IGSF21: variants seen among roughly 807,000 people sequenced by gnomAD.
IGSF21 encodes immunoglobulin superfamily member 21.
A neutral mutation model predicts 46.8 loss-of-function variants in IGSF21; 28 were observed. That is an observed-to-expected ratio of 0.60 (90% CI 0.44 to 0.82). The LOEUF (loss-of-function observed/expected upper bound fraction) is 0.82. Ranked by LOEUF, IGSF21 falls within the 40% of genes least tolerant of loss-of-function variation. IGSF21 has a pLI of 0.00. For synonymous variants in IGSF21, 284 were observed against 273.6 expected (o/e 1.04, Z -0.38); for missense variants, 624 against 665.5 (o/e 0.94, Z 0.69).
intron 1 of IGSF21, among the ~76,000 whole-genome samples, chr1:18,224,153 G>A (rs954428993): frequency 5.3e-5 from 8 of 152,172 alleles, no homozygotes; most frequent in Non-Finnish European, 7.3e-5. Flanking sequence ...TTGCACTGCA[G>A]GCCCCTTGCT....
intron 1 of IGSF21, among the ~76,000 whole-genome samples, chr1:18,203,857 CTG>C (rs1182272978): frequency 6.6e-6 from 1 of 152,156 alleles, no homozygotes; most frequent in Non-Finnish European, 1.5e-5. Context: ...AAAATCGAAA[CTG>C]TTATGTGGGT....
At chr1:18,324,087 T>C (rs774370448) in intron 3 of IGSF21, among the ~76,000 whole-genome samples, 2 of 151,978 alleles carry the variant, frequency 1.3e-5, no homozygotes, top group Non-Finnish European at 2.9e-5. Context: ...CTGTGCTGAG[T>C]GTTCTCAGGG....
At chr1:18,167,224 G>A (rs910782349) in intron 1 of IGSF21, among the ~76,000 whole-genome samples, 2 of 152,192 alleles carry the variant, frequency 1.3e-5, no homozygotes, top group African/African-American at 4.8e-5. Flanking sequence ...CAAGAGTGCT[G>A]GATGATCAGA....
chr1:18,184,707 T>C (rs2086887498), intron 1 of IGSF21, among the ~76,000 whole-genome samples: 1 of 152,120 alleles, frequency 6.6e-6, no homozygotes, highest in African/African-American at 2.4e-5. Context: ...TTTCCTGAAG[T>C]AGGAATGGGT....
chr1:18,336,900 G>A (rs1168706102), intron 4 of IGSF21, among the ~76,000 whole-genome samples: 3 of 152,216 alleles, frequency 2.0e-5, no homozygotes, highest in African/African-American at 7.2e-5. Flanking sequence ...GAAGACAAGA[G>A]AACTTGTGCA....
At chr1:18,284,569 G>A (rs2085194319) in intron 2 of IGSF21, among the ~76,000 whole-genome samples, 1 of 152,214 alleles carries the variant, frequency 6.6e-6, no homozygotes, top group African/African-American at 2.4e-5. Flanking sequence ...CAACTCTGGG[G>A]TGTGAGTTTG....
intron 3 of IGSF21, among the ~76,000 whole-genome samples, chr1:18,324,670 A>G (rs1281200753): frequency 2.0e-5 from 3 of 152,172 alleles, no homozygotes; most frequent in African/African-American, 7.2e-5. Context: ...GAGCTTCTCC[A>G]TGTACATTCT....
chr1:18,284,228 C>A (rs2085190776), intron 2 of IGSF21, among the ~76,000 whole-genome samples: 3 of 152,308 alleles, frequency 2.0e-5, no homozygotes, highest in Admixed American at 6.5e-5. Flanking sequence ...TTGCAGGGCG[C>A]TTTCTAGGCA....
chr1:18,167,632 G>A (rs566301478), intron 1 of IGSF21: 1 of 152,198 alleles, frequency 6.6e-6, no homozygotes, highest in African/African-American at 2.4e-5. Context: ...GGTTTATGGT[G>A]AGCCCACTCT....
intron 3 of IGSF21, among the ~76,000 whole-genome samples, chr1:18,312,321 T>C (rs2085497393): frequency 6.6e-6 from 1 of 152,170 alleles, no homozygotes; most frequent in Non-Finnish European, 1.5e-5. Flanking sequence ...CTGAGATAGG[T>C]CGTGCTTAGC....
rs533113911 is a variant in IGSF21, at chr1:18,166,474, C to T, written c.70+58276C>T. The stretch of plus-strand genomic sequence containing the variant: ...CTTGGGCAAGTCACTCTATCTGAGA[C>T]GCTGAGTCTCTTTTCTATAAACGAC... On this transcript the variant is annotated intron_variant, in intron 1 of 9. Coordinates refer to ENST00000251296, the MANE Select transcript of IGSF21 (RefSeq NM_032880.5). 9.9e-5 allele frequency among the ~76,000 whole-genome samples: 15 copies of T among 152,272 alleles called. No homozygotes were observed. In the South Asian group the frequency reaches 1.5e-3, roughly 15 times the overall value.
chr1:18,231,000 A>G (rs2084620315), intron 2 of IGSF21, among the ~76,000 whole-genome samples: 2 of 151,626 alleles, frequency 1.3e-5, no homozygotes, highest in South Asian at 4.2e-4. Context: ...TTCCCGTCCC[A>G]GCTTCCTTTC....
At chr1:18,268,318 G>A (rs770997015) in intron 2 of IGSF21, among the ~76,000 whole-genome samples, 8 of 152,218 alleles carry the variant, frequency 5.3e-5, no homozygotes, top group Non-Finnish European at 8.8e-5. Context: ...CACAGGGCAG[G>A]GCTCTTTCTG....
intron 3 of IGSF21, among the ~76,000 whole-genome samples, chr1:18,317,605 C>T (rs1388188516): frequency 1.3e-5 from 2 of 152,218 alleles, no homozygotes; most frequent in African/African-American, 4.8e-5. Flanking sequence ...CTGGTGCACC[C>T]AATGGCTCCA....
intron 1 of IGSF21, among the ~76,000 whole-genome samples, chr1:18,125,752 G>A (rs192530696): frequency 2.6e-5 from 4 of 152,294 alleles, no homozygotes; most frequent in Admixed American, 6.5e-5. Context: ...TAACACATAC[G>A]TGAACAGATA....
intron 2 of IGSF21, among the ~76,000 whole-genome samples, chr1:18,268,653 TG>T (rs1381357823): frequency 6.6e-6 from 1 of 151,886 alleles, no homozygotes; most frequent in Non-Finnish European, 1.5e-5. Context: ...GCCTTGGGAG[TG>T]GGGGAAGTTA....
chr1:18,186,826 C>T (rs1187473337), intron 1 of IGSF21, among the ~76,000 whole-genome samples: 1 of 152,170 alleles, frequency 6.6e-6, no homozygotes, highest in African/African-American at 2.4e-5. Context: ...CCTGCCCTCA[C>T]CTAACTTCCC....
chr1:18,263,680 C>T (rs921561204), intron 2 of IGSF21, among the ~76,000 whole-genome samples: 1 of 152,120 alleles, frequency 6.6e-6, no homozygotes, highest in Non-Finnish European at 1.5e-5. Context: ...AGAGCGGTTG[C>T]GAAAAGTGCG....
intron 2 of IGSF21, chr1:18,278,771 A>C (rs1178571072): frequency 2.2e-6 from 1 of 459,090 alleles, no homozygotes; most frequent in Non-Finnish European, 4.5e-6. Context: ...GCCCAGGCTG[A>C]TCTCAAACTC....
Sources: allele counts gnomAD v4.1 joint callset (sites outside exome capture counted in the v4.1 genomes callset), GRCh38; gene constraint gnomAD v4.1.1; transcripts MANE v1.5; gene names NCBI Gene and HGNC (gene_info 2026-07-23, HGNC 2026-07-21).